ARHGAP15: variants seen among roughly 807,000 people sequenced by gnomAD.
The protein encoded by ARHGAP15 is rho GTPase-activating protein 15.
A neutral mutation model predicts 63.7 loss-of-function variants in ARHGAP15; 51 were observed. The ratio of observed to expected loss-of-function variants is 0.80; its 90% CI spans 0.64 to 1.01. The LOEUF (loss-of-function observed/expected upper bound fraction) is 1.01. Among genes scored for constraint, ARHGAP15 ranks in the 50% least tolerant of loss-of-function variants. The pLI, the probability that ARHGAP15 is intolerant of heterozygous loss-of-function variation, is 0.00. For missense variants in ARHGAP15, 560 were observed against 564.6 expected (o/e 0.99, Z 0.08); for synonymous variants, 191 against 193.8 (o/e 0.99, Z 0.12).
chr2:143,136,348 A>G (rs1055005495), intron 1 of ARHGAP15, among the ~76,000 whole-genome samples: 3 of 151,826 alleles, frequency 2.0e-5, no homozygotes, highest in African/African-American at 7.3e-5. Context: ...GGTTGTCAAT[A>G]CAATGACTTT....
chr2:143,578,181 C>A (rs1218098014), intron 11 of ARHGAP15, among the ~76,000 whole-genome samples: 1 of 152,042 alleles, frequency 6.6e-6, no homozygotes, highest in Non-Finnish European at 1.5e-5. Flanking sequence ...TAAGTGTGGA[C>A]CCTCATATGT....
At chr2:143,737,105 G>C (rs551382867) in intron 13 of ARHGAP15, among the ~76,000 whole-genome samples, 4 of 152,318 alleles carry the variant, frequency 2.6e-5, no homozygotes, top group African/African-American at 9.6e-5. Flanking sequence ...CCTCTAGTGG[G>C]AACAGATGAG....
chr2:143,439,422 C>CAAGAAAAAAAAAAAA (rs1689767373), intron 8 of ARHGAP15, among the ~76,000 whole-genome samples: 1 of 31,736 alleles, frequency 3.2e-5, no homozygotes, highest in Non-Finnish European at 5.9e-5. Flanking sequence ...GACTCTGTCT[C>CAAGAAAAAAAAAAAA]AAAAAAAAAA....
intron 9 of ARHGAP15, among the ~76,000 whole-genome samples, chr2:143,506,266 T>C (rs1693316910): frequency 6.6e-6 from 1 of 152,216 alleles, no homozygotes; most frequent in South Asian, 2.1e-4. Flanking sequence ...CTTTAGTCCA[T>C]ATAAGTTGTG....
Position 143,175,742 on chromosome 2 carries a change from G to T in ARHGAP15, c.165+20087G>T, listed in dbSNP as rs1300926542. On this transcript the variant is annotated intron_variant, in intron 2 of 13. Coordinates refer to ENST00000295095, the MANE Select transcript of ARHGAP15 (RefSeq NM_018460.4). The stretch of plus-strand genomic sequence containing the variant: ...AACTTAGAAATGGGTGCAATATTTT[G>T]GGGGAGGCCTCTCTAACTGCTGCAA... Among the ~76,000 whole-genome samples the T allele has an allele frequency of 2.0e-5, 3 of 152,116 alleles. No homozygotes were observed. The East Asian group carries it at 5.8e-4, about 29-fold the overall frequency.
At chr2:143,397,897 A>C (rs1687839224) in intron 6 of ARHGAP15, among the ~76,000 whole-genome samples, 2 of 152,098 alleles carry the variant, frequency 1.3e-5, no homozygotes, top group Non-Finnish European at 2.9e-5. Context: ...TGATTATAAA[A>C]ATTCTCAAAG....
At chr2:143,589,464 CATT>C (rs1226478201) in intron 11 of ARHGAP15, among the ~76,000 whole-genome samples, 3 of 152,142 alleles carry the variant, frequency 2.0e-5, no homozygotes, top group African/African-American at 7.2e-5. Context: ...AAGAAGTAGA[CATT>C]ATTATCTCAG....
In ARHGAP15 at chr2:143,346,202, T is replaced by TCA. The variant is rs1176819904; in HGVS notation, c.475-89389_475-89388dup. On this transcript the variant is annotated intron_variant, in intron 6 of 13. Coordinates refer to ENST00000295095, the MANE Select transcript of ARHGAP15 (RefSeq NM_018460.4). ...CTCTCTCACACACACACTCTCTCTCTCACACACACACTCTCTCTCACACAC... is the reference window on the plus strand; with the variant it reads ...CTCTCTCACACACACACTCTCTCTCTCACACACACACACTCTCTCTCACACAC... Among the ~76,000 whole-genome samples the TCA allele has an allele frequency of 1.6e-4, 22 of 133,414 alleles. 1 individual carries two copies. Among genetic ancestry groups the TCA allele is most frequent in the African/African-American group, 4.8e-4 (16 of 33,020 alleles). 87.5% of individuals were successfully genotyped at this position (133,414 alleles called of 152,430 possible). A position where few individuals can be genotyped will look rare whatever the true frequency, so the allele number is the denominator to read the frequency against.
At chr2:143,684,294 A>C (rs1683229930) in intron 12 of ARHGAP15, among the ~76,000 whole-genome samples, 1 of 152,206 alleles carries the variant, frequency 6.6e-6, no homozygotes, top group Non-Finnish European at 1.5e-5. Context: ...ATGTGGATCC[A>C]GGAGAAATCA....
intron 6 of ARHGAP15, among the ~76,000 whole-genome samples, chr2:143,318,180 T>G (rs1683813735): frequency 6.6e-6 from 1 of 151,816 alleles, no homozygotes; most frequent in Non-Finnish European, 1.5e-5. Context: ...TTTGTATTTT[T>G]TTTTTTTAGT....
chr2:143,201,138 C>T (rs1207622180), intron 2 of ARHGAP15, among the ~76,000 whole-genome samples: 1 of 151,200 alleles, frequency 6.6e-6, no homozygotes, highest in East Asian at 1.9e-4. Flanking sequence ...AGAGTGGGGT[C>T]TCACTCTGTT....
rs1480017626 is a variant in ARHGAP15 at position 143,228,687 on chromosome 2, C to T, written c.384+19C>T. The T allele has an allele frequency of 1.3e-6, 2 of 1,482,528 alleles. No individual in the cohort carries two copies. Among genetic ancestry groups the T allele is most frequent in the East Asian group, 2.4e-5 (1 of 40,998 alleles). 91.8% of individuals were successfully genotyped at this position (1,482,528 alleles called of 1,614,324 possible). ...CAATATGGTAAGTAATTCTCTGTTT[C>T]TATTGTTAAATATCTTTTCAGAAAT... On this transcript the variant is annotated intron_variant, in intron 5 of 13. Coordinates refer to ENST00000295095, the MANE Select transcript of ARHGAP15 (RefSeq NM_018460.4).
chr2:143,469,955 C>G (rs1048716332), intron 8 of ARHGAP15, among the ~76,000 whole-genome samples: 2 of 151,906 alleles, frequency 1.3e-5, no homozygotes, highest in Non-Finnish European at 2.9e-5. Flanking sequence ...CTCACTCTCT[C>G]TCTTTTTTTT....
At chr2:143,401,598 T>A (rs868337348) in intron 6 of ARHGAP15, among the ~76,000 whole-genome samples, 3 of 152,188 alleles carry the variant, frequency 2.0e-5, no homozygotes, top group Middle Eastern at 3.4e-3. Context: ...TTCAGTTTTT[T>A]GGGTGAGACT....
At chr2:143,410,978 C>CGGAT (rs2105022183) in intron 6 of ARHGAP15, among the ~76,000 whole-genome samples, 1 of 152,142 alleles carries the variant, frequency 6.6e-6, no homozygotes, top group South Asian at 2.1e-4. Flanking sequence ...CCAAGGCAGA[C>CGGAT]GGATCACCTG....
intron 13 of ARHGAP15, among the ~76,000 whole-genome samples, chr2:143,734,367 T>A (rs982997112): frequency 2.0e-5 from 3 of 152,178 alleles, no homozygotes; most frequent in Non-Finnish European, 2.9e-5. Context: ...AAGTGCTAAT[T>A]AATTACCACT....
intron 6 of ARHGAP15, among the ~76,000 whole-genome samples, chr2:143,254,306 G>T (rs1332997287): frequency 2.0e-5 from 3 of 151,950 alleles, no homozygotes; most frequent in Admixed American, 2.0e-4. Flanking sequence ...ACACAAGCGG[G>T]GCTACTGTCA....
chr2:143,274,791 G>C (rs546125091), intron 6 of ARHGAP15, among the ~76,000 whole-genome samples: 2 of 152,310 alleles, frequency 1.3e-5, no homozygotes, highest in South Asian at 4.1e-4. Context: ...TTGCCCAACA[G>C]TCTTTGAGAA....
chr2:143,488,919 T>C (rs1692447088), intron 9 of ARHGAP15, among the ~76,000 whole-genome samples: 1 of 152,240 alleles, frequency 6.6e-6, no homozygotes, highest in African/African-American at 2.4e-5. Context: ...CGATGCATAA[T>C]ACTTTTCTGA....
Sources: allele counts gnomAD v4.1 joint callset (sites outside exome capture counted in the v4.1 genomes callset), GRCh38; gene constraint gnomAD v4.1.1; transcripts MANE v1.5; gene names NCBI Gene and HGNC (gene_info 2026-07-23, HGNC 2026-07-21).